The following WASF1 variants were observed in gnomAD, a reference collection of about 807,000 sequenced individuals.
WASF1 encodes WASP family member 1.
WASF1 carries 7 observed loss-of-function variants against 50.5 expected under a neutral mutation model. The ratio of observed to expected loss-of-function variants is 0.14; its 90% CI spans 0.08 to 0.26. WASF1 has a LOEUF of 0.26. WASF1 is among the 10% of genes least tolerant of loss of function. The probability of loss-of-function intolerance (pLI) is 1.00; values close to 1 mark genes in which losing one functional copy is unlikely to be tolerated. For synonymous variants in WASF1, 205 were observed against 244.0 expected, an observed-to-expected ratio of 0.84 and a Z score of 1.49; for missense variants, 470 against 694.7, an observed-to-expected ratio of 0.68 and a Z score of 3.64.
At chr6:110,162,246 T>C (rs1460810657) in intron 2 of WASF1, among the ~76,000 whole-genome samples, 1 of 151,392 alleles carries the variant, frequency 6.6e-6, no homozygotes, top group African/African-American at 2.4e-5. Context: ...TGGTAGACTC[T>C]TCTGAGAGTC....
chr6:110,153,924 G>A (rs571143495), intron 3 of WASF1, among the ~76,000 whole-genome samples: 2 of 152,146 alleles, frequency 1.3e-5, no homozygotes, highest in South Asian at 4.1e-4. Flanking sequence ...TTGATAAGAG[G>A]GACTGTGCTT....
chr6:110,111,078 T>C (rs80087048), intron 5 of WASF1, among the ~76,000 whole-genome samples: 11,102 of 152,236 alleles, frequency 0.073, 549 homozygotes, highest in African/African-American at 0.14. Context: ...TCAAGTTTAA[T>C]GGTGGCTCTA....
At chr6:110,121,826 CAT>C (rs901512609) in intron 4 of WASF1, among the ~76,000 whole-genome samples, 5 of 152,130 alleles carry the variant, frequency 3.3e-5, no homozygotes. Context: ...AAATGTGGTA[CAT>C]ATACACCATG....
intron 3 of WASF1, among the ~76,000 whole-genome samples, chr6:110,152,949 T>G (rs1003537647): frequency 1.1e-4 from 17 of 152,158 alleles, no homozygotes; most frequent in African/African-American, 4.1e-4. Flanking sequence ...CACCATAGAT[T>G]AATTTGCTTG....
chr6:110,132,852 T>C (rs1774747737), intron 3 of WASF1, among the ~76,000 whole-genome samples: 1 of 151,678 alleles, frequency 6.6e-6, no homozygotes. Context: ...CAGCTTGCTA[T>C]GAATGTCATT....
intron 3 of WASF1, among the ~76,000 whole-genome samples, chr6:110,151,043 A>G (rs958008139): frequency 1.3e-5 from 2 of 152,204 alleles, no homozygotes; most frequent in East Asian, 1.9e-4. Flanking sequence ...GTCTCAAAAT[A>G]AAAGAGTAAA....
chr6:110,119,691 G>A (rs1773998452), intron 4 of WASF1, among the ~76,000 whole-genome samples: 1 of 152,164 alleles, frequency 6.6e-6, no homozygotes, highest in Non-Finnish European at 1.5e-5. Flanking sequence ...CTCATTTTAT[G>A]AGGCTAGCAT....
At chr6:110,141,194 G>T (rs1775217587) in intron 3 of WASF1, among the ~76,000 whole-genome samples, 1 of 152,022 alleles carries the variant, frequency 6.6e-6, no homozygotes, top group African/African-American at 2.4e-5. Flanking sequence ...CCCTTCCTTG[G>T]TTCCTTGTTG....
At chr6:110,129,519 G>A (rs1182984169) in intron 3 of WASF1, among the ~76,000 whole-genome samples, 1 of 152,162 alleles carries the variant, frequency 6.6e-6, no homozygotes, top group East Asian at 1.9e-4. Context: ...TCCAAAGGAA[G>A]TGACACTAGC....
chr6:110,178,519 A>C (rs1364518170), intron 2 of WASF1, 79 bp downstream of exon 2: 4 of 152,648 alleles, frequency 2.6e-5, no homozygotes, highest in African/African-American at 9.6e-5. Flanking sequence ...CTAACACCAA[A>C]GAAAAAATTT....
At chr6:110,165,391 T>G (rs1776432450) in intron 2 of WASF1, among the ~76,000 whole-genome samples, 1 of 151,700 alleles carries the variant, frequency 6.6e-6, no homozygotes. Flanking sequence ...TGAATGTACT[T>G]AATGCCACTG....
chr6:110,108,698 G>T lies in WASF1; in HGVS notation c.269-17C>A, dbSNP rs1322175571. 1.2e-6 allele frequency: 2 copies of T among 1,602,606 alleles called. No homozygotes were observed. Among genetic ancestry groups the T allele is most frequent in the South Asian group, 2.2e-5 (2 of 89,992 alleles). ...GCAAAGACACTAAAACAAAAATCAA[G>T]AATTCATTTTATTTTATTTTACTAA... is the stretch of plus-strand genomic sequence containing the variant. On this transcript the variant is annotated splice_polypyrimidine_tract_variant and intron_variant, in intron 5 of 10. Transcript: ENST00000392589.
intron 3 of WASF1, among the ~76,000 whole-genome samples, chr6:110,143,381 T>C (rs1775351567): frequency 6.6e-6 from 1 of 151,964 alleles, no homozygotes; most frequent in African/African-American, 2.4e-5. Context: ...ATATTGATAA[T>C]ATACTCTCTG....
At position 110,108,865 on chromosome 6, in the gene WASF1, G is replaced by A. The variant is rs2290944; in HGVS notation, c.269-184C>T. On this transcript the variant is annotated intron_variant, in intron 5 of 10. Coordinates refer to ENST00000392589, the MANE Select transcript of WASF1 (RefSeq NM_003931.3). ...ATTATATTTACCCATATCATTCTGC[G>A]CCTAATTTTCCCAATCAGATAGGTT... is the stretch of plus-strand genomic sequence containing the variant. Among the ~76,000 whole-genome samples the A allele has an allele frequency of 1.4e-4, 22 of 152,132 alleles. No homozygotes were observed. In the East Asian group the frequency reaches 4.1e-3, roughly 28 times the overall value.
chr6:110,150,424 C>A (rs1053902430), intron 3 of WASF1, among the ~76,000 whole-genome samples: 1 of 152,042 alleles, frequency 6.6e-6, no homozygotes, highest in African/African-American at 2.4e-5. Flanking sequence ...ATAAATTAAC[C>A]AGCTAGCCAC....
chr6:110,108,407 G>T, intron 6 of WASF1, 121 bp downstream of exon 6: 1 of 953,882 alleles, frequency 1.0e-6, no homozygotes, highest in Non-Finnish European at 1.5e-6. Context: ...CAAAGGTGGT[G>T]GACAGAGAGG....
At chr6:110,123,194 A>G (rs557211102) in intron 4 of WASF1, among the ~76,000 whole-genome samples, 159 of 152,328 alleles carry the variant, frequency 1.0e-3, no homozygotes, top group South Asian at 8.7e-3. Flanking sequence ...ATCAGCATTT[A>G]TATTAGCTAG....
intron 4 of WASF1, among the ~76,000 whole-genome samples, chr6:110,114,344 C>A (rs1442409532): frequency 6.6e-6 from 1 of 152,106 alleles, no homozygotes; most frequent in Non-Finnish European, 1.5e-5. Context: ...TTGATATGAA[C>A]CCCAGATTGA....
At chr6:110,127,110 T>A (rs531756372) in intron 4 of WASF1, among the ~76,000 whole-genome samples, 1 of 152,334 alleles carries the variant, frequency 6.6e-6, no homozygotes, top group Non-Finnish European at 1.5e-5. Context: ...ATACTAGTGT[T>A]TGAAAACACA....
Sources: allele counts gnomAD v4.1 joint callset (sites outside exome capture counted in the v4.1 genomes callset), GRCh38; gene constraint gnomAD v4.1.1; transcripts MANE v1.5; gene names NCBI Gene and HGNC (gene_info 2026-07-23, HGNC 2026-07-21).